SLC31A1: variants seen among roughly 807,000 people sequenced by gnomAD.
SLC31A1 encodes the protein high affinity copper uptake protein 1.
A neutral mutation model predicts 17.2 loss-of-function variants in SLC31A1; 5 were observed. The ratio of observed to expected loss-of-function variants is 0.29; its 90% CI spans 0.15 to 0.61. The LOEUF (loss-of-function observed/expected upper bound fraction) is 0.61. Among genes scored for constraint, SLC31A1 ranks in the 20% least tolerant of loss-of-function variants. SLC31A1 has a pLI of 0.86. For synonymous variants in SLC31A1, 76 were observed against 78.8 expected (o/e 0.96, Z 0.19); for missense variants, 161 against 241.4 (o/e 0.67, Z 2.21).
chr9:113,231,345 C>G (rs533745898), intron 1 of SLC31A1, among the ~76,000 whole-genome samples: 1 of 152,212 alleles, frequency 6.6e-6, no homozygotes, highest in South Asian at 2.1e-4. Flanking sequence ...AGAAGAATCA[C>G]TTAAGGGCTG....
chr9:113,248,591 C>T (rs1831611537), intron 1 of SLC31A1, among the ~76,000 whole-genome samples: 1 of 150,176 alleles, frequency 6.7e-6, no homozygotes, highest in African/African-American at 2.4e-5. Context: ...GCCTCAGCCT[C>T]CCAAGTAGCT....
chr9:113,250,923 AGTGAGCCC>A (rs1831644260), intron 1 of SLC31A1, among the ~76,000 whole-genome samples: 1 of 152,136 alleles, frequency 6.6e-6, no homozygotes, highest in South Asian at 2.1e-4. Context: ...GTTGCTATAA[AGTGAGCCC>A]GTGTCTCTTT....
chr9:113,229,174 T>C (rs1204128596), intron 1 of SLC31A1, among the ~76,000 whole-genome samples: 1 of 152,204 alleles, frequency 6.6e-6, no homozygotes, highest in Non-Finnish European at 1.5e-5. Context: ...ATAGGAAATA[T>C]ATTCATATGG....
At chr9:113,227,815 C>G (rs1198828226) in intron 1 of SLC31A1, among the ~76,000 whole-genome samples, 1 of 152,154 alleles carries the variant, frequency 6.6e-6, no homozygotes, top group African/African-American at 2.4e-5. Context: ...TTGATTATAA[C>G]AATAAAGCAG....
At chr9:113,237,281 G>C (rs531719926) in intron 1 of SLC31A1, among the ~76,000 whole-genome samples, 53 of 152,278 alleles carry the variant, frequency 3.5e-4, no homozygotes, top group Middle Eastern at 3.4e-3. Context: ...GCTCTGGAGG[G>C]GGGTAACGAT....
intron 1 of SLC31A1, among the ~76,000 whole-genome samples, chr9:113,254,556 C>G (rs1383582791): frequency 6.6e-6 from 1 of 152,106 alleles, no homozygotes; most frequent in Non-Finnish European, 1.5e-5. Context: ...ACCTCCCCCT[C>G]CACACACACC....
chr9:113,252,365 G>A (rs751202147), intron 1 of SLC31A1, among the ~76,000 whole-genome samples: 12 of 152,070 alleles, frequency 7.9e-5, no homozygotes, highest in Non-Finnish European at 1.8e-4. Context: ...GCACAATCTC[G>A]GCTCACTGCA....
chr9:113,245,410 T>C (rs866726692), intron 1 of SLC31A1, among the ~76,000 whole-genome samples: 13 of 152,138 alleles, frequency 8.5e-5, no homozygotes, highest in African/African-American at 2.9e-4. Context: ...CACTTTATAA[T>C]GTAATGGGAT....
At chr9:113,241,552 G>C (rs1261899838) in intron 1 of SLC31A1, among the ~76,000 whole-genome samples, 3 of 152,326 alleles carry the variant, frequency 2.0e-5, no homozygotes, top group Admixed American at 6.5e-5. Flanking sequence ...TGCAATGACT[G>C]CTAAGGTCCT....
chr9:113,243,028 G>A (rs1831538104), intron 1 of SLC31A1, among the ~76,000 whole-genome samples: 3 of 150,818 alleles, frequency 2.0e-5, no homozygotes, highest in Admixed American at 6.6e-5. Flanking sequence ...TGTTTTATAC[G>A]CTAGGCTTCT....
chr9:113,246,454 C>T (rs1391614279), intron 1 of SLC31A1, among the ~76,000 whole-genome samples: 1 of 150,422 alleles, frequency 6.6e-6, no homozygotes, highest in Non-Finnish European at 1.5e-5. Flanking sequence ...CGGATTCAAG[C>T]GATTTTCCTG....
intron 1 of SLC31A1, among the ~76,000 whole-genome samples, chr9:113,243,084 T>G (rs576036276): frequency 4.8e-4 from 73 of 152,188 alleles, no homozygotes; most frequent in Middle Eastern, 6.8e-3. Context: ...GCTTTTTTTT[T>G]TTTGTTTAAG....
chr9:113,243,990 C>A (rs1052855653), intron 1 of SLC31A1, among the ~76,000 whole-genome samples: 2 of 151,774 alleles, frequency 1.3e-5, no homozygotes, highest in Non-Finnish European at 2.9e-5. Flanking sequence ...CTCGTCTCTA[C>A]TAAAAATACA....
Position 113,256,222 on chromosome 9 carries a change from C to T in SLC31A1, c.74C>T (p.Pro25Leu), listed in dbSNP as rs764522823. The T allele has an allele frequency of 3.5e-5, 56 of 1,613,558 alleles. No homozygotes were observed. In the Middle Eastern group the frequency reaches 8.7e-4, roughly 25 times the overall value. The stretch of plus-strand genomic sequence containing the variant: ...ACCATGCAACCTTCTCACCATCACC[C>T]AACCACTTCAGCCTCACACTCCCAT... ...NSTMQPSHHH[P>L]TTSASHSHGG... is the part of the protein sequence containing the mutation. Residue 25 changes from proline (P) to leucine (L), a missense_variant, in exon 2 of 5, where the codon CCA becomes CTA. Coordinates refer to ENST00000374212, the MANE Select transcript of SLC31A1 (RefSeq NM_001859.4).
chr9:113,223,195 T>C lies in SLC31A1; in HGVS notation c.-36+1517T>C, dbSNP rs138940095. 1.4e-4 allele frequency: 60 copies of C among 439,872 alleles called. No individual in the cohort carries two copies. In the Middle Eastern group the frequency reaches 1.9e-3, roughly 14 times the overall value. 27.2% of individuals were successfully genotyped at this position (439,872 alleles called of 1,614,324 possible). A position where few individuals can be genotyped will look rare whatever the true frequency, so the allele number is the denominator to read the frequency against. On this transcript the variant is annotated intron_variant, in intron 1 of 4. Coordinates refer to ENST00000374212, the MANE Select transcript of SLC31A1 (RefSeq NM_001859.4). ...CTAAAATCAATAGCCTTTTTGGTGA[T>C]TGGAACATCACGAACATGCATACGC...
chr9:113,223,187 T>G, intron 1 of SLC31A1: 1 of 437,718 alleles, frequency 2.3e-6, no homozygotes, highest in Non-Finnish European at 4.6e-6. Flanking sequence ...CAATAGCCTT[T>G]TTGGTGATTG....
At chr9:113,223,345 A>G in intron 1 of SLC31A1, 1 of 384,666 alleles carries the variant, frequency 2.6e-6, no homozygotes, top group Non-Finnish European at 5.1e-6. Context: ...AAAAAAAAGA[A>G]AGCCACTGTC....
chr9:113,225,940 C>A (rs1047646552), intron 1 of SLC31A1, among the ~76,000 whole-genome samples: 8 of 152,240 alleles, frequency 5.3e-5, no homozygotes, highest in Non-Finnish European at 1.2e-4. Flanking sequence ...TCGAGACCAG[C>A]CTGGCCAACA....
chr9:113,239,590 AT>A (rs890307324), intron 1 of SLC31A1, among the ~76,000 whole-genome samples: 4 of 150,438 alleles, frequency 2.7e-5, no homozygotes, highest in East Asian at 1.9e-4. Flanking sequence ...GACCTTTAAG[AT>A]TTTTTTTTTG....
Sources: allele counts gnomAD v4.1 joint callset (sites outside exome capture counted in the v4.1 genomes callset), GRCh38; gene constraint gnomAD v4.1.1; transcripts MANE v1.5; gene names NCBI Gene and HGNC (gene_info 2026-07-23, HGNC 2026-07-21).